RBFOX1: variants seen among roughly 807,000 people sequenced by gnomAD.
RBFOX1 encodes the protein RNA binding protein fox-1 homolog 1.
In RBFOX1, 8 loss-of-function variants were observed where a neutral mutation model predicts 57.7. The observed-to-expected ratio is 0.14, with a 90% CI of 0.08 to 0.25. The LOEUF is 0.25. Ranked by LOEUF, RBFOX1 falls within the 10% of genes least tolerant of loss-of-function variation. RBFOX1 has a pLI of 1.00. For synonymous variants in RBFOX1, 326 were observed against 222.4 expected (o/e 1.47, Z -4.15); for missense variants, 611 against 548.5 (o/e 1.11, Z -1.14).
At chr16:5,668,917 C>T (rs540512221) in intron 3 of RBFOX1, among the ~76,000 whole-genome samples, 2 of 152,118 alleles carry the variant, frequency 1.3e-5, no homozygotes, top group Non-Finnish European at 2.9e-5. Context: ...GAGATGGATA[C>T]TCAGGCTTTG....
At chr16:6,784,981 G>T (rs892308370) in intron 3 of RBFOX1, among the ~76,000 whole-genome samples, 1 of 151,986 alleles carries the variant, frequency 6.6e-6, no homozygotes, top group Non-Finnish European at 1.5e-5. Flanking sequence ...TTTCTTCCTT[G>T]GGTAAACTCA....
chr16:7,653,178 G>A (rs2065461771), intron 11 of RBFOX1, among the ~76,000 whole-genome samples: 1 of 152,144 alleles, frequency 6.6e-6, no homozygotes, highest in South Asian at 2.1e-4. Flanking sequence ...GATAAGACAT[G>A]ACACATCTTG....
At chr16:6,701,135 A>ATGTGTGTGTGTG (rs111800744) in intron 3 of RBFOX1, among the ~76,000 whole-genome samples, 5 of 149,114 alleles carry the variant, frequency 3.4e-5, no homozygotes, top group Non-Finnish European at 7.4e-5. Flanking sequence ...CTGTGTGTGT[A>ATGTGTGTGTGTG]TGTGTGTGTG....
intron 4 of RBFOX1, among the ~76,000 whole-genome samples, chr16:7,479,847 A>G (rs1256821628): frequency 6.6e-6 from 1 of 152,186 alleles, no homozygotes; most frequent in African/African-American, 2.4e-5. Flanking sequence ...ACATCCCTCA[A>G]TAATTTGTTT....
chr16:6,982,932 T>C (rs575844834), intron 3 of RBFOX1, among the ~76,000 whole-genome samples: 8 of 140,424 alleles, frequency 5.7e-5, no homozygotes, highest in African/African-American at 2.1e-4. Context: ...AGGTGGAGGT[T>C]GCAGTGAGAT....
intron 1 of RBFOX1, among the ~76,000 whole-genome samples, chr16:5,465,854 C>T (rs2068936201): frequency 6.6e-6 from 1 of 152,168 alleles, no homozygotes; most frequent in South Asian, 2.1e-4. Flanking sequence ...TGGCTTTCTC[C>T]AGAATGGCCA....
intron 3 of RBFOX1, among the ~76,000 whole-genome samples, chr16:6,869,361 G>A (rs2060476367): frequency 6.6e-6 from 1 of 152,100 alleles, no homozygotes; most frequent in Admixed American, 6.5e-5. Flanking sequence ...AAATCCCATA[G>A]TTGTAGGTAG....
intron 3 of RBFOX1, among the ~76,000 whole-genome samples, chr16:7,006,030 C>T (rs561994180): frequency 6.6e-4 from 100 of 152,288 alleles, no homozygotes; most frequent in African/African-American, 1.3e-3. Context: ...TGAGATACTC[C>T]GTGGTTCCTC....
rs138689226 is a variant in RBFOX1, at chr16:6,344,825, G to C, written c.-64+27768G>C. 7.5e-3 allele frequency among the ~76,000 whole-genome samples: 1,133 copies of C among 151,260 alleles called. 4 individuals carry two copies. The highest frequency in any genetic ancestry group is 0.01 in the Non-Finnish European group (712 of 67,904). ...CCTGCCTCAGCCTCCCGAGTGGCTAGGATTATAGGCATGTGCCACCATGCT... is the reference window on the plus strand; with the variant it reads ...CCTGCCTCAGCCTCCCGAGTGGCTACGATTATAGGCATGTGCCACCATGCT... On this transcript the variant is annotated intron_variant, in intron 2 of 15. Transcript: ENST00000550418.
Position 5,834,577 on chromosome 16 carries a change from CATAGATAGATAGATAG to C in RBFOX1, c.319-32695_319-32680del, listed in dbSNP as rs141276552. Reference sequence around the variant, plus strand: ...GTGATAAATATAGAAGTGCATGTGTCATAGATAGATAGATAGATAGATAGATAGATAGATAGATAGA... The same window carrying C: ...GTGATAAATATAGAAGTGCATGTGTCATAGATAGATAGATAGATAGATAGA... On this transcript the variant is annotated intron_variant, in intron 3 of 19. Transcript: ENST00000641259. Among the ~76,000 whole-genome samples, 388 of 147,492 alleles carry C rather than the reference CATAGATAGATAGATAG, an allele frequency of 2.6e-3. 3 individuals are homozygous for C. The highest frequency in any genetic ancestry group is 9.3e-3 in the African/African-American group (368 of 39,362).
intron 3 of RBFOX1, among the ~76,000 whole-genome samples, chr16:6,960,856 G>A (rs1011017955): frequency 6.6e-6 from 1 of 151,716 alleles, no homozygotes; most frequent in African/African-American, 2.4e-5. Flanking sequence ...CCTCAGGTCC[G>A]GGTGCAGTGG....
At chr16:5,279,042 T>A (rs1300425310) in intron 1 of RBFOX1, among the ~76,000 whole-genome samples, 1 of 152,206 alleles carries the variant, frequency 6.6e-6, no homozygotes, top group East Asian at 1.9e-4. Flanking sequence ...GCTTTGTTCT[T>A]TTTGCTCAGT....
chr16:6,414,024 C>T (rs533588400), intron 2 of RBFOX1, among the ~76,000 whole-genome samples: 1 of 152,298 alleles, frequency 6.6e-6, no homozygotes, highest in Non-Finnish European at 1.5e-5. Flanking sequence ...CCATAGGGAT[C>T]GTTCCGCGCA....
intron 1 of RBFOX1, among the ~76,000 whole-genome samples, chr16:5,401,404 C>T (rs543812452): frequency 1.7e-4 from 26 of 152,080 alleles, no homozygotes; most frequent in South Asian, 6.2e-4. Flanking sequence ...CAGCAATGTC[C>T]GTGCTGTGAC....
At chr16:6,731,419 T>C (rs970422) in intron 3 of RBFOX1, among the ~76,000 whole-genome samples, 137,817 of 152,142 alleles carry the variant, frequency 0.91, 64,049 homozygotes, top group East Asian at 1. Flanking sequence ...TTTTGTAGCA[T>C]ACTGCTACTC....
At chr16:5,666,965 A>T (rs1364573771) in intron 3 of RBFOX1, among the ~76,000 whole-genome samples, 1 of 152,196 alleles carries the variant, frequency 6.6e-6, no homozygotes, top group East Asian at 1.9e-4. Context: ...GAAGAAAAAA[A>T]TAGGGCAAGG....
intron 4 of RBFOX1, among the ~76,000 whole-genome samples, chr16:7,382,000 G>C (rs867482281): frequency 3.9e-5 from 6 of 152,268 alleles, no homozygotes; most frequent in African/African-American, 1.4e-4. Flanking sequence ...CTGCTTTTAC[G>C]CGATTGGATT....
intron 4 of RBFOX1, among the ~76,000 whole-genome samples, chr16:7,104,640 T>C (rs925221936): frequency 6.6e-6 from 1 of 152,152 alleles, no homozygotes; most frequent in African/African-American, 2.4e-5. Flanking sequence ...CCTGGGTATT[T>C]ACATCGGGAC....
At chr16:5,607,055 G>A (rs1185120108) in intron 3 of RBFOX1, among the ~76,000 whole-genome samples, 2 of 152,168 alleles carry the variant, frequency 1.3e-5, no homozygotes, top group Non-Finnish European at 2.9e-5. Flanking sequence ...TAGGAGGCTG[G>A]GAGGCCTTGG....
Sources: allele counts gnomAD v4.1 joint callset (sites outside exome capture counted in the v4.1 genomes callset), GRCh38; gene constraint gnomAD v4.1.1; transcripts MANE v1.5; gene names NCBI Gene and HGNC (gene_info 2026-07-23, HGNC 2026-07-21).